Variants in BICC1 observed in about 807,000 individuals in gnomAD.
BICC1 encodes BicC family RNA binding protein 1.
BICC1 carries 43 observed loss-of-function variants against 111.0 expected under a neutral mutation model. The observed-to-expected ratio is 0.39, with a 90% CI of 0.30 to 0.50. BICC1 has a LOEUF of 0.50. Among genes scored for constraint, BICC1 ranks in the 20% least tolerant of loss-of-function variants. The pLI is 0.88. For synonymous variants in BICC1, 467 were observed against 434.4 expected, an observed-to-expected ratio of 1.07 and a Z score of -0.93; for missense variants, 1,091 against 1,203.2, an observed-to-expected ratio of 0.91 and a Z score of 1.38.
intron 1 of BICC1, among the ~76,000 whole-genome samples, chr10:58,609,899 C>A (rs1053421239): frequency 6.6e-6 from 1 of 152,116 alleles, no homozygotes; most frequent in East Asian, 1.9e-4. Context: ...CCAAAGTCTT[C>A]AAATAGTGTT....
intron 3 of BICC1, among the ~76,000 whole-genome samples, chr10:58,758,923 T>G (rs190492580): frequency 0.012 from 1,740 of 145,448 alleles, 26 homozygotes; most frequent in African/African-American, 0.037. Context: ...GTATCTTTGA[T>G]CATTAAAATA....
At chr10:58,705,609 G>C (rs1038238244) in intron 3 of BICC1, among the ~76,000 whole-genome samples, 2 of 152,274 alleles carry the variant, frequency 1.3e-5, no homozygotes, top group Middle Eastern at 3.4e-3. Context: ...TATAGTAGGG[G>C]CAAAAGTAAT....
chr10:58,554,794 A>AT (rs34123447), intron 1 of BICC1, among the ~76,000 whole-genome samples: 91 of 144,728 alleles, frequency 6.3e-4, no homozygotes, highest in East Asian at 3.0e-3. Context: ...CTTACATTTG[A>AT]TTTTTTTTTT....
At chr10:58,586,542 G>C (rs566146388) in intron 1 of BICC1, among the ~76,000 whole-genome samples, 2 of 151,280 alleles carry the variant, frequency 1.3e-5, no homozygotes, top group South Asian at 2.1e-4. Context: ...GGGGCGGGGG[G>C]GCGCGGAGGT....
chr10:58,568,878 C>T (rs1406515895), intron 1 of BICC1, among the ~76,000 whole-genome samples: 9 of 152,272 alleles, frequency 5.9e-5, no homozygotes, highest in Non-Finnish European at 8.8e-5. Flanking sequence ...GGAATTTGGC[C>T]TCAAAGCCAA....
At chr10:58,601,142 ATAT>A (rs1564506761) in intron 1 of BICC1, among the ~76,000 whole-genome samples, 9,278 of 119,482 alleles carry the variant, frequency 0.078, 940 homozygotes, top group African/African-American at 0.17. Flanking sequence ...TTTAAAACTT[ATAT>A]ATATATATAT....
chr10:58,591,290 C>G (rs1007711251), intron 1 of BICC1, among the ~76,000 whole-genome samples: 1 of 152,098 alleles, frequency 6.6e-6, no homozygotes, highest in Admixed American at 6.5e-5. Context: ...AAAACAGATT[C>G]ATGTTACCTG....
chr10:58,535,864 G>A (rs1364076506), intron 1 of BICC1, among the ~76,000 whole-genome samples: 1 of 150,938 alleles, frequency 6.6e-6, no homozygotes, highest in Non-Finnish European at 1.5e-5. Context: ...ATAGACCCAA[G>A]GGAAAAGGGT....
chr10:58,777,210 T>C (rs573071788), intron 3 of BICC1, among the ~76,000 whole-genome samples: 1 of 152,002 alleles, frequency 6.6e-6, no homozygotes, highest in South Asian at 2.1e-4. Flanking sequence ...CCCATAACTC[T>C]GTTTCTGATT....
At chr10:58,656,008 A>G (rs183757634) in intron 2 of BICC1, among the ~76,000 whole-genome samples, 3,097 of 152,276 alleles carry the variant, frequency 0.02, 103 homozygotes, top group African/African-American at 0.072. Context: ...AAAAATGATA[A>G]AGGGGATATC....
intron 2 of BICC1, among the ~76,000 whole-genome samples, chr10:58,635,835 T>C (rs978203043): frequency 1.3e-5 from 2 of 152,218 alleles, no homozygotes; most frequent in African/African-American, 4.8e-5. Flanking sequence ...AACGTCTTTT[T>C]TTCCTCTTTG....
At chr10:58,827,470 T>G (rs1423619365) in intron 20 of BICC1, among the ~76,000 whole-genome samples, 2 of 151,860 alleles carry the variant, frequency 1.3e-5, no homozygotes, top group African/African-American at 4.8e-5. Flanking sequence ...AGGTAAAGGG[T>G]GAGTGAGGGA....
chr10:58,616,894 A>G (rs1383207581), intron 1 of BICC1, among the ~76,000 whole-genome samples: 3 of 152,226 alleles, frequency 2.0e-5, no homozygotes, highest in Non-Finnish European at 4.4e-5. Context: ...ATTCTCTTGC[A>G]GATTTAGAAG....
intron 3 of BICC1, among the ~76,000 whole-genome samples, chr10:58,741,367 A>G (rs910471877): frequency 6.6e-6 from 1 of 152,188 alleles, no homozygotes; most frequent in African/African-American, 2.4e-5. Flanking sequence ...AGAAGTTAGT[A>G]TTTTGTGACT....
In BICC1 at chr10:58,534,724, A is replaced by C. The variant is rs79604876; in HGVS notation, c.190+21391A>C. 2.3e-3 allele frequency among the ~76,000 whole-genome samples: 350 copies of C among 151,886 alleles called. 2 individuals are homozygous for C. The highest frequency in any genetic ancestry group is 8.0e-3 in the African/African-American group (331 of 41,516). ...CTCCCAAAAAACACACTAACTCTCC[A>C]GCAGTGGATTCAAACCAAGATTAAA... is the stretch of plus-strand genomic sequence containing the variant. On this transcript the variant is annotated intron_variant, in intron 1 of 20. Coordinates refer to ENST00000373886, the MANE Select transcript of BICC1 (RefSeq NM_001080512.3).
At chr10:58,630,567 T>C (rs908316075) in intron 2 of BICC1, among the ~76,000 whole-genome samples, 3 of 152,150 alleles carry the variant, frequency 2.0e-5, no homozygotes, top group African/African-American at 7.2e-5. Context: ...TAGCTGAGAC[T>C]ATTGACATGC....
intron 2 of BICC1, among the ~76,000 whole-genome samples, chr10:58,630,234 G>A (rs567819468): frequency 6.6e-6 from 1 of 152,266 alleles, no homozygotes; most frequent in South Asian, 2.1e-4. Context: ...GTGAGGGAGA[G>A]GCCAGGAGTG....
intron 1 of BICC1, among the ~76,000 whole-genome samples, chr10:58,543,802 C>G (rs1843059551): frequency 6.8e-6 from 1 of 146,356 alleles, no homozygotes; most frequent in African/African-American, 2.5e-5. Flanking sequence ...AACCACTATG[C>G]CTGGCCTATG....
At chr10:58,654,093 T>G (rs962720162) in intron 2 of BICC1, among the ~76,000 whole-genome samples, 53 of 138,126 alleles carry the variant, frequency 3.8e-4, no homozygotes, top group African/African-American at 1.2e-3. Flanking sequence ...GTTGGACATT[T>G]GGGTTGGTTC....
Sources: allele counts gnomAD v4.1 joint callset (sites outside exome capture counted in the v4.1 genomes callset), GRCh38; gene constraint gnomAD v4.1.1; transcripts MANE v1.5; gene names NCBI Gene and HGNC (gene_info 2026-07-23, HGNC 2026-07-21).